Variants in OSMR observed in about 807,000 individuals in gnomAD.
OSMR encodes oncostatin M receptor, also known as oncostatin-M-specific receptor subunit beta.
OSMR carries 81 observed loss-of-function variants against 99.9 expected under a neutral mutation model. That is an observed-to-expected ratio of 0.81 (90% confidence interval 0.68 to 0.97). The LOEUF (loss-of-function observed/expected upper bound fraction) is 0.97, where lower values mean the gene tolerates loss of function less well. OSMR is among the 50% of genes least tolerant of loss of function. The pLI, the probability that OSMR is intolerant of heterozygous loss-of-function variation, is 0.00. For missense variants in OSMR, 1,099 were observed against 1,153.4 expected (o/e 0.95, Z 0.68); for synonymous variants, 406 against 410.4 (o/e 0.99, Z 0.13).
intron 1 of OSMR, among the ~76,000 whole-genome samples, chr5:38,863,123 A>G (rs994817995): frequency 2.1e-5 from 3 of 142,922 alleles, no homozygotes; most frequent in African/African-American, 7.7e-5. Flanking sequence ...AGTACAGTCC[A>G]GCTTCGGCTC....
intron 1 of OSMR, chr5:38,941,985 T>C (rs935994266): frequency 1.2e-5 from 3 of 259,292 alleles, no homozygotes; most frequent in African/African-American, 6.5e-5. Context: ...TCCACTGTCA[T>C]TATGCTTTTA....
chr5:38,917,768 A>G (rs1295122520), intron 10 of OSMR, 146 bp downstream of exon 10: 1 of 671,466 alleles, frequency 1.5e-6, no homozygotes, highest in Non-Finnish European at 2.7e-6. Context: ...TTTCTTACCT[A>G]GTAGAGGAAT....
downstream of OSMR, chr5:38,938,223 T>TAGC: frequency 4.5e-6 from 1 of 224,684 alleles, no homozygotes; most frequent in East Asian, 6.5e-5. Flanking sequence ...TCCAAATATG[T>TAGC]AGCAGCGTAT....
chr5:38,939,168 G>C (rs1047773400), downstream of OSMR: 4 of 232,772 alleles, frequency 1.7e-5, no homozygotes, highest in African/African-American at 8.8e-5. Flanking sequence ...CCTCTGAATG[G>C]AATAACATTT....
chr5:38,861,593 C>T (rs1427570757), intron 1 of OSMR, among the ~76,000 whole-genome samples: 1 of 152,276 alleles, frequency 6.6e-6, no homozygotes, highest in East Asian at 1.9e-4. Context: ...TTCCACAAAA[C>T]CGCCATTGTC....
downstream of OSMR, chr5:38,938,498 A>C: frequency 4.3e-6 from 1 of 232,450 alleles, no homozygotes; most frequent in East Asian, 6.1e-5. Flanking sequence ...TATATTTTTG[A>C]AATTAAATAT....
chr5:38,853,578 G>C (rs1333564118), intron 1 of OSMR, among the ~76,000 whole-genome samples: 1 of 152,142 alleles, frequency 6.6e-6, no homozygotes, highest in African/African-American at 2.4e-5. Flanking sequence ...TGATTTCTGT[G>C]ATCTCAAAAG....
intron 12 of OSMR, 126 bp from the exon 13 acceptor site, chr5:38,923,024 C>T: frequency 9.1e-7 from 1 of 1,092,902 alleles, no homozygotes; most frequent in Admixed American, 2.0e-5. Context: ...GATCCGCCTG[C>T]CTCGGCCTCC....
chr5:38,862,341 G>A (rs62352591), intron 1 of OSMR, among the ~76,000 whole-genome samples: 1 of 101,248 alleles, frequency 9.9e-6, no homozygotes, highest in Non-Finnish European at 2.0e-5. Context: ...CGGGCAGAGG[G>A]GCTCCTCACT....
At chr5:38,874,635 T>G (rs1161356853) in intron 2 of OSMR, among the ~76,000 whole-genome samples, 1 of 152,218 alleles carries the variant, frequency 6.6e-6, no homozygotes, top group Non-Finnish European at 1.5e-5. Context: ...ATGGTAGGAC[T>G]TTGTTGTTGG....
chr5:38,894,774 C>T (rs1744388699), intron 7 of OSMR, among the ~76,000 whole-genome samples: 1 of 151,960 alleles, frequency 6.6e-6, no homozygotes. Context: ...GGGACTTCAA[C>T]ACCACACTGA....
rs1353186008 is a variant in OSMR at position 38,933,575 on chromosome 5, C to T, written c.*131C>T. The T allele has an allele frequency of 4.0e-6, 4 of 1,001,984 alleles. No individual in the cohort carries two copies. The highest frequency in any genetic ancestry group is 1.6e-5 in the African/African-American group (1 of 62,902). The allele number at this position is 1,001,984 out of a possible 1,614,324, so 62.1% of individuals were successfully genotyped here. A position where few individuals can be genotyped will look rare whatever the true frequency, so the allele number is the denominator to read the frequency against. On this transcript the variant is annotated 3_prime_UTR_variant, in exon 18 of 18. Transcript: ENST00000274276. ...AGGTCTGGTTTATATAAGACCACTA[C>T]AGTCTGGCTAGGTTAAAGGCCAGAG...
chr5:38,932,067 T>TA (rs34015844), intron 16 of OSMR, 103 bp downstream of exon 16: 1 of 940,872 alleles, frequency 1.1e-6, no homozygotes, highest in Non-Finnish European at 1.7e-6. Flanking sequence ...AAACAACGTA[T>TA]AAAAAAGGAA....
At chr5:38,912,154 T>C (rs1745630275) in intron 9 of OSMR, among the ~76,000 whole-genome samples, 1 of 151,972 alleles carries the variant, frequency 6.6e-6, no homozygotes, top group Non-Finnish European at 1.5e-5. Flanking sequence ...GGTGATATGA[T>C]TGTATACCTA....
At chr5:38,908,587 A>G (rs187641680) in intron 9 of OSMR, among the ~76,000 whole-genome samples, 256 of 152,270 alleles carry the variant, frequency 1.7e-3, no homozygotes, top group African/African-American at 5.9e-3. Context: ...GGGGCCAGAG[A>G]ACAAAGGTGG....
chr5:38,905,063 A>C (rs1745141310), intron 9 of OSMR, among the ~76,000 whole-genome samples: 2 of 152,180 alleles, frequency 1.3e-5, no homozygotes, highest in African/African-American at 2.4e-5. Context: ...AGGAGATTTG[A>C]TGGCCCAATC....
chr5:38,848,235 T>C (rs140122512), intron 1 of OSMR, among the ~76,000 whole-genome samples: 38 of 152,284 alleles, frequency 2.5e-4, no homozygotes, highest in Non-Finnish European at 4.4e-4. Context: ...GAGAAAATCC[T>C]TCTTGATTGC....
intron 7 of OSMR, among the ~76,000 whole-genome samples, chr5:38,901,478 A>T (rs371889052): frequency 7.2e-5 from 11 of 152,110 alleles, no homozygotes; most frequent in African/African-American, 2.4e-4. Flanking sequence ...GTTTGCATGA[A>T]CCCAAGTAAG....
Position 38,876,202 on chromosome 5 carries a change from C to T in OSMR, c.75C>T (p.Val25=), listed in dbSNP as rs1456265317. The part of the protein sequence containing the change: ...LLSLRTYQSE[V]LAERLPLTPV... The stretch of plus-strand genomic sequence containing the variant: ...CATACTTCATTTTGATCTTTTCAGT[C>T]TTGGCTGAACGTTTACCATTGACTC... The change falls in exon 3 of 18, where the codon GTC becomes GTT. Residue 25 remains valine (V), a splice_region_variant and synonymous_variant. Transcript: ENST00000274276. 5.6e-6 allele frequency: 9 copies of T among 1,611,668 alleles called. No homozygotes were observed. In the African/African-American group the frequency reaches 6.7e-5, roughly 12 times the overall value.
Sources: gnomAD v4.1 joint callset for allele counts (sites outside exome capture counted in the v4.1 genomes callset) on GRCh38, gnomAD v4.1.1 for gene constraint, MANE v1.5 for transcripts, NCBI Gene and HGNC (gene_info 2026-07-23, HGNC 2026-07-21) for gene names.